Variants in PACRG observed in about 807,000 individuals in gnomAD.
PACRG encodes parkin coregulated, also known as parkin coregulated gene protein.
A neutral mutation model predicts 29.7 loss-of-function variants in PACRG; 29 were observed. That is an observed-to-expected ratio of 0.98 (90% CI 0.73 to 1.33). The LOEUF (loss-of-function observed/expected upper bound fraction) is 1.33, where lower values mean the gene tolerates loss of function less well. Among genes scored for constraint, PACRG ranks in the 40% most tolerant of loss-of-function variants. The pLI, the probability that PACRG is intolerant of heterozygous loss-of-function variation, is 0.00. For missense variants in PACRG, 279 were observed against 316.2 expected, an observed-to-expected ratio of 0.88 and a Z score of 0.89; for synonymous variants, 116 against 118.7, an observed-to-expected ratio of 0.98 and a Z score of 0.15.
At position 162,804,438 on chromosome 6, in the gene PACRG, T is replaced by A. The variant is rs7763467; in HGVS notation, c.157-9709T>A. Among the ~76,000 whole-genome samples the A allele has an allele frequency of 4.5e-3, 691 of 152,314 alleles. 3 individuals are homozygous for A. Among genetic ancestry groups the A allele is most frequent in the African/African-American group, 0.015 (628 of 41,574 alleles). On this transcript the variant is annotated intron_variant, in intron 1 of 4. Transcript: ENST00000366888. The stretch of plus-strand genomic sequence containing the variant: ...GGGTTAAAGTCTTTTTCTGACTGTG[T>A]GCTGACATGGTGATTTCCAGCCGGT...
At position 162,963,730 on chromosome 6, in the gene PACRG, A is replaced by G. The variant is rs192562918; in HGVS notation, c.292-98420A>G. Among the ~76,000 whole-genome samples the G allele has an allele frequency of 9.5e-3, 1,386 of 145,168 alleles. 16 individuals carry two copies. Among genetic ancestry groups the G allele is most frequent in the African/African-American group, 0.028 (1,003 of 36,206 alleles). On this transcript the variant is annotated intron_variant, in intron 2 of 4. Transcript: ENST00000366888. ...ATACATATAAAATTATTTTATATGT[A>G]TAAAATAATTGTTACTGACCTCCCA...
intron 1 of PACRG, among the ~76,000 whole-genome samples, chr6:162,794,256 A>G (rs1303680988): frequency 6.6e-6 from 1 of 151,286 alleles, no homozygotes; most frequent in Non-Finnish European, 1.5e-5. Flanking sequence ...ATTCAGTTAT[A>G]CTCTTCTGTT....
intron 2 of PACRG, among the ~76,000 whole-genome samples, chr6:162,827,856 GTCTT>G (rs1431537297): frequency 6.6e-6 from 1 of 151,890 alleles, no homozygotes; most frequent in Non-Finnish European, 1.5e-5. Context: ...TCTCCTAAAA[GTCTT>G]TCCTGACTTT....
chr6:163,245,480 G>T (rs181801109), intron 4 of PACRG, among the ~76,000 whole-genome samples: 1 of 152,188 alleles, frequency 6.6e-6, no homozygotes, highest in Non-Finnish European at 1.5e-5. Flanking sequence ...TCCGTGACAG[G>T]TTTGGAGAGC....
intron 2 of PACRG, among the ~76,000 whole-genome samples, chr6:162,822,372 T>A (rs1259860572): frequency 6.6e-6 from 1 of 152,208 alleles, no homozygotes; most frequent in Non-Finnish European, 1.5e-5. Context: ...TGTGAGCATG[T>A]CATTACCATG....
intron 4 of PACRG, among the ~76,000 whole-genome samples, chr6:163,217,712 T>A (rs1035961277): frequency 3.9e-5 from 6 of 152,088 alleles, no homozygotes; most frequent in African/African-American, 1.4e-4. Context: ...GCAGCAGCAT[T>A]GGATTCTCAC....
At chr6:162,977,273 G>C (rs1802035799) in intron 2 of PACRG, among the ~76,000 whole-genome samples, 1 of 151,768 alleles carries the variant, frequency 6.6e-6, no homozygotes, top group Non-Finnish European at 1.5e-5. Flanking sequence ...AATACAAATG[G>C]AAAAGTCTTA....
intron 2 of PACRG, among the ~76,000 whole-genome samples, chr6:163,041,541 C>A (rs949544489): frequency 2.6e-5 from 4 of 152,128 alleles, no homozygotes; most frequent in African/African-American, 9.7e-5. Flanking sequence ...TCCCCTTAGC[C>A]TTCTGCCATG....
At chr6:163,031,036 T>C (rs1451382715) in intron 2 of PACRG, among the ~76,000 whole-genome samples, 1 of 152,122 alleles carries the variant, frequency 6.6e-6, no homozygotes, top group Non-Finnish European at 1.5e-5. Context: ...CTGCCTAACT[T>C]CTAGGGTCTC....
At chr6:163,256,549 G>A (rs1783114406) in intron 4 of PACRG, among the ~76,000 whole-genome samples, 1 of 152,294 alleles carries the variant, frequency 6.6e-6, no homozygotes, top group South Asian at 2.1e-4. Context: ...TACCAAGAAG[G>A]GGACATTGAC....
intron 4 of PACRG, among the ~76,000 whole-genome samples, chr6:163,133,821 A>C (rs1378174391): frequency 6.6e-6 from 1 of 152,224 alleles, no homozygotes; most frequent in East Asian, 1.9e-4. Flanking sequence ...CATTCTAAGA[A>C]AAATTAAACA....
At chr6:162,761,681 G>A (rs1428328252) in intron 1 of PACRG, among the ~76,000 whole-genome samples, 2 of 152,130 alleles carry the variant, frequency 1.3e-5, no homozygotes, top group Non-Finnish European at 2.9e-5. Flanking sequence ...GCTCACGCCT[G>A]TAATCCCAGC....
chr6:163,153,557 G>C (rs1778190227), intron 4 of PACRG, among the ~76,000 whole-genome samples: 1 of 152,096 alleles, frequency 6.6e-6, no homozygotes, highest in African/African-American at 2.4e-5. Flanking sequence ...TTTCTAAAAG[G>C]GGATTTTTTT....
intron 2 of PACRG, among the ~76,000 whole-genome samples, chr6:162,882,800 C>A (rs1794006350): frequency 6.6e-6 from 1 of 152,220 alleles, no homozygotes; most frequent in Admixed American, 6.5e-5. Context: ...CCTTTTCTGA[C>A]CTTCGTGAAT....
chr6:162,738,368 A>G (rs916962751), intron 1 of PACRG, among the ~76,000 whole-genome samples: 4 of 152,240 alleles, frequency 2.6e-5, no homozygotes, highest in Non-Finnish European at 5.9e-5. Flanking sequence ...GCAGAATGCT[A>G]TCAGTGTACG....
chr6:162,757,294 T>C (rs9347687), intron 1 of PACRG, among the ~76,000 whole-genome samples: 63,963 of 151,888 alleles, frequency 0.42, 13,886 homozygotes, highest in East Asian at 0.67. Context: ...TTATTCTTTT[T>C]GAATATCACT....
At chr6:162,913,041 T>G (rs1033916497) in intron 2 of PACRG, among the ~76,000 whole-genome samples, 8 of 152,196 alleles carry the variant, frequency 5.3e-5, no homozygotes, top group Non-Finnish European at 8.8e-5. Flanking sequence ...TGGCAAAATA[T>G]CAACATTTAT....
rs147790879 is a variant in PACRG, at chr6:163,180,898, T to A, written c.613+91490T>A. Among the ~76,000 whole-genome samples, 549 of 152,350 alleles carry A rather than the reference T, an allele frequency of 3.6e-3. 3 individuals carry two copies. The highest frequency in any genetic ancestry group is 0.013 in the African/African-American group (524 of 41,582). On this transcript the variant is annotated intron_variant, in intron 4 of 4. Coordinates refer to ENST00000366888, the MANE Select transcript of PACRG (RefSeq NM_001080379.2). ...CGAGCGTTGTGTGTGTTTCACCCGC[T>A]TGGCGTTTTCATTCTCATTTCATGT...
chr6:163,244,229 C>A (rs1170968254), intron 4 of PACRG, among the ~76,000 whole-genome samples: 1 of 150,220 alleles, frequency 6.7e-6, no homozygotes, highest in Non-Finnish European at 1.5e-5. Context: ...ATTTTTTTTC[C>A]TAAAAGAAAA....
Sources: allele counts gnomAD v4.1 joint callset (sites outside exome capture counted in the v4.1 genomes callset), GRCh38; gene constraint gnomAD v4.1.1; transcripts MANE v1.5; gene names NCBI Gene and HGNC (gene_info 2026-07-23, HGNC 2026-07-21).